SORCS1: variants seen among roughly 807,000 people sequenced by gnomAD.
SORCS1 encodes sortilin related VPS10 domain containing receptor 1.
A neutral mutation model predicts 146.1 loss-of-function variants in SORCS1; 60 were observed. That is an observed-to-expected ratio of 0.41 (90% CI 0.33 to 0.51). The LOEUF is 0.51. SORCS1 is among the 20% of genes least tolerant of loss of function. SORCS1 has a pLI of 0.21. For missense variants in SORCS1, 1,352 were observed against 1,487.6 expected, an observed-to-expected ratio of 0.91 and a Z score of 1.50; for synonymous variants, 637 against 584.0, an observed-to-expected ratio of 1.09 and a Z score of -1.31.
chr10:107,129,717 TC>T (rs1966848847), intron 1 of SORCS1, among the ~76,000 whole-genome samples: 1 of 152,232 alleles, frequency 6.6e-6, no homozygotes, highest in South Asian at 2.1e-4. Context: ...AAGACCCTTT[TC>T]AACTGCTCTT....
In SORCS1 at chr10:107,148,898, T is replaced by C. The variant is rs1968546276; in HGVS notation, c.558+15071A>G. Among the ~76,000 whole-genome samples, 3 of 152,212 alleles carry C rather than the reference T, an allele frequency of 2.0e-5. No individual in the cohort carries two copies. In the South Asian group the frequency reaches 6.2e-4, roughly 32 times the overall value. On this transcript the variant is annotated intron_variant, in intron 1 of 25. Transcript: ENST00000263054. Reference sequence around the variant, plus strand: ...ATTTGGGATCTGCTGAAAAGCTCTTTCTTACCTAATTTTTGTCTTAAAATA... The same window carrying C: ...ATTTGGGATCTGCTGAAAAGCTCTTCCTTACCTAATTTTTGTCTTAAAATA...
At chr10:106,897,015 CGAGTAGCTG>C (rs1554877665) in intron 2 of SORCS1, among the ~76,000 whole-genome samples, 1 of 151,502 alleles carries the variant, frequency 6.6e-6, no homozygotes, top group Non-Finnish European at 1.5e-5. Flanking sequence ...CTCAGCCTCC[CGAGTAGCTG>C]GGACTACAGG....
chr10:106,647,389 T>TACACACACACACACACACAC (rs3044913), intron 18 of SORCS1, among the ~76,000 whole-genome samples: 76 of 147,420 alleles, frequency 5.2e-4, no homozygotes, highest in African/African-American at 1.1e-3. Context: ...TTATAAATTT[T>TACACACACACACACACACAC]ACACACACAC....
chr10:107,163,003 A>G (rs1177500221), intron 1 of SORCS1, among the ~76,000 whole-genome samples: 3 of 152,178 alleles, frequency 2.0e-5, no homozygotes, highest in African/African-American at 4.8e-5. Flanking sequence ...GTTCTCTACT[A>G]TTTCAACTCA....
chr10:106,680,041 C>T (rs1392393210), intron 10 of SORCS1, among the ~76,000 whole-genome samples: 3 of 152,044 alleles, frequency 2.0e-5, no homozygotes, highest in African/African-American at 7.2e-5. Context: ...CCATTAATTA[C>T]CATAAAAAGA....
chr10:106,708,990 TC>T (rs2135831310), intron 7 of SORCS1, among the ~76,000 whole-genome samples: 2 of 152,220 alleles, frequency 1.3e-5, no homozygotes, highest in East Asian at 1.9e-4. Flanking sequence ...GTTGATAAGA[TC>T]CTCTGGACAC....
chr10:106,851,783 A>T lies in SORCS1; in HGVS notation c.627-22110T>A, dbSNP rs1356856493. 2.0e-5 allele frequency among the ~76,000 whole-genome samples: 3 copies of T among 152,344 alleles called. No homozygotes were observed. In the East Asian group the frequency reaches 5.8e-4, roughly 29 times the overall value. The stretch of plus-strand genomic sequence containing the variant: ...GAGATTGTGTTGAATCTATAGATCA[A>T]GTTGAGAAGAACTGACATCTTGGCA... On this transcript the variant is annotated intron_variant, in intron 2 of 25. Coordinates refer to ENST00000263054, the MANE Select transcript of SORCS1 (RefSeq NM_052918.5).
At chr10:106,812,248 C>T (rs1194328181) in intron 3 of SORCS1, among the ~76,000 whole-genome samples, 1 of 152,296 alleles carries the variant, frequency 6.6e-6, no homozygotes, top group East Asian at 1.9e-4. Flanking sequence ...GATCCGCCCG[C>T]CTCGGCCTCC....
At chr10:107,159,680 A>T (rs1202198307) in intron 1 of SORCS1, among the ~76,000 whole-genome samples, 4 of 152,216 alleles carry the variant, frequency 2.6e-5, no homozygotes, top group Non-Finnish European at 5.9e-5. Context: ...GACAACTAAG[A>T]TTCAAACTCA....
intron 25 of SORCS1, 82 bp downstream of exon 25, chr10:106,579,287 A>G: frequency 1.2e-6 from 2 of 1,614,110 alleles, no homozygotes; most frequent in Non-Finnish European, 1.7e-6. Context: ...TGCTATGCAC[A>G]TCACTGTAAC....
chr10:106,610,505 G>A (rs534970738), intron 22 of SORCS1, among the ~76,000 whole-genome samples: 1 of 152,102 alleles, frequency 6.6e-6, no homozygotes, highest in Non-Finnish European at 1.5e-5. Flanking sequence ...TATTAACAAA[G>A]GTAATGAAGA....
chr10:106,646,950 T>G (rs1401013435), intron 18 of SORCS1, among the ~76,000 whole-genome samples: 1 of 149,096 alleles, frequency 6.7e-6, no homozygotes, highest in Non-Finnish European at 1.5e-5. Flanking sequence ...ACTCTCCTTG[T>G]TCAGCTTGTT....
At chr10:106,966,224 G>A (rs1955488766) in intron 1 of SORCS1, among the ~76,000 whole-genome samples, 1 of 152,148 alleles carries the variant, frequency 6.6e-6, no homozygotes, top group South Asian at 2.1e-4. Flanking sequence ...CTGGATCAAG[G>A]TGCTCCAGAG....
intron 1 of SORCS1, among the ~76,000 whole-genome samples, chr10:107,000,456 A>C (rs2139606882): frequency 6.6e-6 from 1 of 151,950 alleles, no homozygotes; most frequent in East Asian, 1.9e-4. Context: ...AAAAAAAAAA[A>C]ATTATCTGGG....
At chr10:106,671,212 C>T in intron 16 of SORCS1, 25 bp downstream of exon 16, 3 of 1,613,764 alleles carry the variant, frequency 1.9e-6, no homozygotes, top group Non-Finnish European at 2.5e-6. Flanking sequence ...CCAAATGGCT[C>T]CAGGAGATAA....
intron 1 of SORCS1, among the ~76,000 whole-genome samples, chr10:107,103,387 G>C (rs1049565209): frequency 6.6e-6 from 1 of 152,184 alleles, no homozygotes; most frequent in African/African-American, 2.4e-5. Flanking sequence ...ATGCTCTCTA[G>C]ACAAACAGAA....
chr10:106,912,116 A>AC (rs1952192664), intron 2 of SORCS1, among the ~76,000 whole-genome samples: 2 of 150,426 alleles, frequency 1.3e-5, no homozygotes, highest in African/African-American at 4.9e-5. Context: ...CCGTCTCAAA[A>AC]AAAAAAAACA....
chr10:107,077,299 G>A (rs1271569566), intron 1 of SORCS1, among the ~76,000 whole-genome samples: 1 of 151,970 alleles, frequency 6.6e-6, no homozygotes, highest in Admixed American at 6.6e-5. Context: ...GGTCCAATTA[G>A]ATGACATATT....
intron 5 of SORCS1, among the ~76,000 whole-genome samples, chr10:106,734,651 G>A (rs1856823635): frequency 6.6e-6 from 1 of 152,252 alleles, no homozygotes; most frequent in Non-Finnish European, 1.5e-5. Flanking sequence ...TGTTAAGTTA[G>A]TTAACATCTC....
Sources: gnomAD v4.1 joint callset for allele counts (sites outside exome capture counted in the v4.1 genomes callset) on GRCh38, gnomAD v4.1.1 for gene constraint, MANE v1.5 for transcripts, NCBI Gene and HGNC (gene_info 2026-07-23, HGNC 2026-07-21) for gene names.